PSMG2: variants seen among roughly 807,000 people sequenced by gnomAD.
PSMG2 encodes the protein CD40 ligand-activated specific transcript 3.
Under a neutral mutation model 31.5 loss-of-function variants are expected in PSMG2, and 21 were observed. That is an observed-to-expected ratio of 0.67 (90% CI 0.47 to 0.96). The LOEUF is 0.96. Among genes scored for constraint, PSMG2 ranks in the 40% least tolerant of loss-of-function variants. The probability of loss-of-function intolerance (pLI) is 0.00; values close to 1 mark genes in which losing one functional copy is unlikely to be tolerated. For synonymous variants in PSMG2, 120 were observed against 110.4 expected, an observed-to-expected ratio of 1.09 and a Z score of -0.54; for missense variants, 318 against 321.2, an observed-to-expected ratio of 0.99 and a Z score of 0.08.
At chr18:12,691,660 C>A (rs2039767866) in intron 1 of PSMG2, among the ~76,000 whole-genome samples, 1 of 152,002 alleles carries the variant, frequency 6.6e-6, no homozygotes, top group Non-Finnish European at 1.5e-5. Context: ...TAGTACAATC[C>A]CATCTCCATA....
chr18:12,702,601 G>GCT (rs2040198768), upstream of PSMG2: 7 of 1,566,102 alleles, frequency 4.5e-6, no homozygotes, highest in South Asian at 1.2e-5. Context: ...TGCCCTAACT[G>GCT]CGCGGCCCCG....
intron 2 of PSMG2, among the ~76,000 whole-genome samples, chr18:12,711,273 A>G (rs570838344): frequency 4.5e-4 from 69 of 152,144 alleles, no homozygotes; most frequent in African/African-American, 1.4e-3. Flanking sequence ...CTCTGTCTCA[A>G]AAAAAAAGAA....
In PSMG2 at chr18:12,674,671, G is replaced by A. The variant is rs199817919; in HGVS notation, c.-37+15898G>A. On this transcript the variant is annotated intron_variant, in intron 1 of 6. Coordinates refer to the PSMG2 transcript ENST00000585331. The stretch of plus-strand genomic sequence containing the variant: ...TTCATTGCCTGCTGATATACTTGTT[G>A]TACGCTCAAATTCATAAGAAGCCAA... 745 of 1,614,000 alleles carry A rather than the reference G, an allele frequency of 4.6e-4. No individual in the cohort carries two copies. Among genetic ancestry groups the A allele is most frequent in the Non-Finnish European group, 5.8e-4 (689 of 1,180,004 alleles).
chr18:12,706,717 T>C lies in PSMG2; in HGVS notation c.225T>C (p.Ala75=). The change falls in exon 2 of 7, where the codon GCT becomes GCC. Residue 75 remains alanine (A), a synonymous_variant. Transcript: ENST00000317615. The part of the protein sequence containing the change: ...EGNSTELSIN[A]EVYSLPSRKL... ...ATTCAACAGAACTTAGCATAAATGC[T>C]GAAGGTATGTAAGACTTTACCTTGT... 6.2e-7 allele frequency: 1 copy of C among 1,603,408 alleles called. No individual in the cohort carries two copies. The highest frequency in any genetic ancestry group is 8.5e-7 in the Non-Finnish European group (1 of 1,172,500).
At chr18:12,699,859 C>T, upstream of PSMG2, 2 of 1,584,980 alleles carry the variant, frequency 1.3e-6, no homozygotes, top group Non-Finnish European at 1.7e-6. Flanking sequence ...TCTATCAAAA[C>T]AAATAGGTTG....
chr18:12,724,410 T>G, intron 5 of PSMG2, 89 bp from the exon 6 acceptor site: 1 of 1,299,510 alleles, frequency 7.7e-7, no homozygotes, highest in South Asian at 1.7e-5. Context: ...CTAAACCAGG[T>G]AGGTTATCGT....
rs532136931 is a variant in PSMG2 at position 12,708,427 on chromosome 18, C to T, written c.229+1706C>T. Among the ~76,000 whole-genome samples, 12 of 151,924 alleles carry T rather than the reference C, an allele frequency of 7.9e-5. No individual in the cohort carries two copies. The South Asian group carries it at 1.9e-3, about 24-fold the overall frequency. On this transcript the variant is annotated intron_variant, in intron 2 of 6. Transcript: ENST00000317615. ...TTGCCCGGGCTGGAGTGCAGTGGCG[C>T]GATCTCAGCTCACCGCAGCCTCCGC...
chr18:12,697,602 A>G (rs2040000863), intron 1 of PSMG2, among the ~76,000 whole-genome samples: 1 of 152,260 alleles, frequency 6.6e-6, no homozygotes, highest in African/African-American at 2.4e-5. Flanking sequence ...TTTTCAGAAG[A>G]CTGGCAAATT....
At chr18:12,724,970 A>AG in intron 6 of PSMG2, 1 of 325,134 alleles carries the variant, frequency 3.1e-6, no homozygotes, top group Middle Eastern at 8.3e-4. Flanking sequence ...TTGCTATGTG[A>AG]GCAATACTGT....
chr18:12,723,110 C>G (rs746221237), intron 5 of PSMG2, among the ~76,000 whole-genome samples: 59 of 152,236 alleles, frequency 3.9e-4, no homozygotes, highest in Admixed American at 1.2e-3. Flanking sequence ...CTGGTATCAT[C>G]TGAGACTTCC....
intron 2 of PSMG2, among the ~76,000 whole-genome samples, chr18:12,711,855 G>A (rs1400779809): frequency 1.4e-5 from 2 of 145,584 alleles, no homozygotes; most frequent in African/African-American, 5.1e-5. Flanking sequence ...CCGGGTTCAC[G>A]CCGTTCTCCT....
chr18:12,686,494 C>T lies in PSMG2; in HGVS notation c.-36-20056C>T, dbSNP rs766424612. On this transcript the variant is annotated intron_variant, in intron 1 of 6. Coordinates refer to the PSMG2 transcript ENST00000585331. ...ACATCTGTAATGACATATTAATCAT[C>T]CCCAATTATGTTTTTTTCAAATACA... The T allele has an allele frequency of 2.2e-5, 30 of 1,376,340 alleles. No homozygotes were observed. The East Asian group carries it at 6.7e-4, about 31-fold the overall frequency. The allele number at this position is 1,376,340 out of a possible 1,614,324, so 85.3% of individuals were successfully genotyped here.
At chr18:12,688,712 A>C (rs536589595) in intron 1 of PSMG2, among the ~76,000 whole-genome samples, 1 of 152,320 alleles carries the variant, frequency 6.6e-6, no homozygotes, top group East Asian at 1.9e-4. Context: ...TTTTAATTAA[A>C]ATTTAAAATT....
Position 12,661,424 on chromosome 18 carries a change from T to C in PSMG2, c.-37+2651T>C, listed in dbSNP as rs570810810. ...CATTGATATCTTCTCAGTGGAGTTC[T>C]AGCACCCCTGTGGAATAACAGCACT... On this transcript the variant is annotated intron_variant, in intron 1 of 6. Coordinates refer to the PSMG2 transcript ENST00000585331. 9.0e-5 allele frequency: 79 copies of C among 874,630 alleles called. No individual in the cohort carries two copies. In the African/African-American group the frequency reaches 1.1e-3, roughly 13 times the overall value. The allele number at this position is 874,630 out of a possible 1,614,324, so 54.2% of individuals were successfully genotyped here. A position where few individuals can be genotyped will look rare whatever the true frequency, so the allele number is the denominator to read the frequency against.
chr18:12,689,134 T>G (rs2039654887), intron 1 of PSMG2, among the ~76,000 whole-genome samples: 1 of 151,608 alleles, frequency 6.6e-6, no homozygotes, highest in Non-Finnish European at 1.5e-5. Context: ...AAAAAGTTCT[T>G]TACTTTACTT....
chr18:12,667,760 CAAAAA>C (rs67167827), intron 1 of PSMG2, among the ~76,000 whole-genome samples: 3 of 89,938 alleles, frequency 3.3e-5, no homozygotes, highest in East Asian at 3.3e-4. Context: ...GACTCTTTCT[CAAAAA>C]AAAAAAAAAA....
At chr18:12,684,383 G>A (rs1225715803) in intron 1 of PSMG2, 3 of 151,890 alleles carry the variant, frequency 2.0e-5, no homozygotes, top group Non-Finnish European at 2.9e-5. Context: ...CCCAAGTGCT[G>A]GAATTGCGGG....
At chr18:12,687,645 T>C (rs1336194502) in intron 1 of PSMG2, among the ~76,000 whole-genome samples, 1 of 151,436 alleles carries the variant, frequency 6.6e-6, no homozygotes, top group Non-Finnish European at 1.5e-5. Flanking sequence ...AGAGATGGGG[T>C]TTCACGATGT....
In PSMG2 at chr18:12,681,130, G is replaced by A. The variant is rs189447236; in HGVS notation, c.-37+22357G>A. On this transcript the variant is annotated intron_variant, in intron 1 of 6. Transcript: ENST00000585331. ...AGAGAATCACGTGAACTTGGGAGGCGGAGGTTGCAGTGAGCTACAATCGCG... is the reference window on the plus strand; with the variant it reads ...AGAGAATCACGTGAACTTGGGAGGCAGAGGTTGCAGTGAGCTACAATCGCG... Among the ~76,000 whole-genome samples the A allele has an allele frequency of 2.5e-3, 374 of 151,686 alleles. 3 individuals are homozygous for A. Among genetic ancestry groups the A allele is most frequent in the African/African-American group, 8.7e-3 (361 of 41,402 alleles).
Sources: allele counts gnomAD v4.1 joint callset (sites outside exome capture counted in the v4.1 genomes callset), GRCh38; gene constraint gnomAD v4.1.1; transcripts MANE v1.5; gene names NCBI Gene and HGNC (gene_info 2026-07-23, HGNC 2026-07-21).